Variants in ADAMTS3 observed in about 807,000 individuals in gnomAD.
ADAMTS3 encodes ADAM metallopeptidase with thrombospondin type 1 motif 3, also known as A disintegrin and metalloproteinase with thrombospondin motifs 3.
ADAMTS3 carries 73 observed loss-of-function variants against 129.0 expected under a neutral mutation model. That is an observed-to-expected ratio of 0.57 (90% CI 0.47 to 0.69). ADAMTS3 has a LOEUF of 0.69. Among genes scored for constraint, ADAMTS3 ranks in the 30% least tolerant of loss-of-function variants. ADAMTS3 has a pLI of 0.00. For synonymous variants in ADAMTS3, 477 were observed against 510.8 expected (o/e 0.93, Z 0.89); for missense variants, 1,457 against 1,514.5 (o/e 0.96, Z 0.63).
intron 21 of ADAMTS3, among the ~76,000 whole-genome samples, chr4:72,284,026 G>A (rs1381766133): frequency 2.0e-5 from 3 of 151,930 alleles, no homozygotes; most frequent in South Asian, 2.1e-4. Context: ...TTTATTTAAC[G>A]TTGTGGTTAA....
Position 72,339,528 on chromosome 4 carries a change from T to C in ADAMTS3, c.827A>G (p.His276Arg), listed in dbSNP as rs761236253. 18 of 1,613,822 alleles carry C rather than the reference T, an allele frequency of 1.1e-5. No homozygotes were observed. The South Asian group carries it at 2.0e-4, about 18-fold the overall frequency. ...TAGGGTCAGGAGGTAGTTTTGGACG[T>C]GCTCTTTGCCATGGAAACGGACCAC... ...DSVVRFHGKEHVQNYLLTLMN... is the reference protein window; with the variant it reads ...DSVVRFHGKERVQNYLLTLMN... Residue 276 changes from histidine (H) to arginine (R), a missense_variant, in exon 5 of 22, where the codon CAC becomes CGC. By Grantham distance (29) the His-to-Arg change is conservative (BLOSUM62 0). Coordinates refer to ENST00000286657, the MANE Select transcript of ADAMTS3 (RefSeq NM_014243.3).
chr4:72,328,923 C>T (rs180939931), intron 5 of ADAMTS3, among the ~76,000 whole-genome samples: 119 of 152,234 alleles, frequency 7.8e-4, no homozygotes, highest in African/African-American at 2.8e-3. Flanking sequence ...CAAACTCATA[C>T]CTGCTTGTAT....
At chr4:72,416,172 A>AATATAAATATATATATATATATATGT (rs149079357) in intron 3 of ADAMTS3, among the ~76,000 whole-genome samples, 2 of 146,084 alleles carry the variant, frequency 1.4e-5, no homozygotes, top group Non-Finnish European at 3.0e-5. Flanking sequence ...AGCAAATATA[A>AATATAAATATATATATATATATATGT]ATATAAATAT....
At chr4:72,497,673 C>A (rs1424736083) in intron 3 of ADAMTS3, among the ~76,000 whole-genome samples, 1 of 150,940 alleles carries the variant, frequency 6.6e-6, no homozygotes. Flanking sequence ...AAACTAAAGC[C>A]CTAATATTTA....
intron 4 of ADAMTS3, among the ~76,000 whole-genome samples, chr4:72,381,308 T>G (rs949756367): frequency 1.2e-4 from 19 of 152,300 alleles, no homozygotes; most frequent in Admixed American, 4.6e-4. Flanking sequence ...TTCCCACTGG[T>G]CTCTGGTAGA....
intron 3 of ADAMTS3, among the ~76,000 whole-genome samples, chr4:72,498,187 T>C (rs1719917489): frequency 6.6e-6 from 1 of 152,068 alleles, no homozygotes; most frequent in Non-Finnish European, 1.5e-5. Flanking sequence ...GCAATATTTA[T>C]CATTTTGCTC....
intron 3 of ADAMTS3, among the ~76,000 whole-genome samples, chr4:72,456,991 G>A (rs1718640890): frequency 6.6e-6 from 1 of 151,648 alleles, no homozygotes; most frequent in African/African-American, 2.4e-5. Context: ...CATCATGGAA[G>A]GAAGTCACCC....
At chr4:72,517,719 TTCTC>T (rs1166562881) in intron 3 of ADAMTS3, among the ~76,000 whole-genome samples, 4 of 151,934 alleles carry the variant, frequency 2.6e-5, no homozygotes, top group Non-Finnish European at 5.9e-5. Flanking sequence ...TATTTGATTC[TTCTC>T]TCTTTTTTTC....
At chr4:72,346,933 T>A (rs1021496683) in intron 4 of ADAMTS3, among the ~76,000 whole-genome samples, 12 of 152,122 alleles carry the variant, frequency 7.9e-5, no homozygotes, top group African/African-American at 9.7e-5. Flanking sequence ...GCATATGCCA[T>A]TTCCTTGACT....
chr4:72,396,372 C>T (rs1721724624), intron 4 of ADAMTS3, among the ~76,000 whole-genome samples: 1 of 151,844 alleles, frequency 6.6e-6, no homozygotes, highest in Non-Finnish European at 1.5e-5. Context: ...CATGAAGTAA[C>T]ATAATAACAT....
intron 3 of ADAMTS3, among the ~76,000 whole-genome samples, chr4:72,507,906 C>A (rs62320594): frequency 0.015 from 2,351 of 152,260 alleles, 39 homozygotes; most frequent in Non-Finnish European, 0.023. Flanking sequence ...ATATTTAACG[C>A]CTTATTGCCT....
intron 3 of ADAMTS3, among the ~76,000 whole-genome samples, chr4:72,443,674 T>C (rs1280763938): frequency 6.8e-6 from 1 of 147,488 alleles, no homozygotes; most frequent in Admixed American, 6.8e-5. Flanking sequence ...AAATCTGAAA[T>C]CCCAAAAACG....
Position 72,495,490 on chromosome 4 carries a change from T to A in ADAMTS3, c.504+52988A>T, listed in dbSNP as rs1027074016. On this transcript the variant is annotated intron_variant, in intron 3 of 21. Coordinates refer to ENST00000286657, the MANE Select transcript of ADAMTS3 (RefSeq NM_014243.3). ...CTTACATTTTATATACTATTAGCTA[T>A]GTATCTGGAAGGAATGCAGGAGACA... Among the ~76,000 whole-genome samples the A allele has an allele frequency of 3.3e-5, 5 of 152,154 alleles. No homozygotes were observed. In the South Asian group the frequency reaches 6.2e-4, roughly 19 times the overall value.
chr4:72,414,060 T>C (rs1722245870), intron 4 of ADAMTS3, among the ~76,000 whole-genome samples: 1 of 151,816 alleles, frequency 6.6e-6, no homozygotes, highest in Non-Finnish European at 1.5e-5. Flanking sequence ...GTCATTTCCC[T>C]AAAAGAAAAC....
chr4:72,483,616 C>T (rs889335043), intron 3 of ADAMTS3, among the ~76,000 whole-genome samples: 31 of 152,180 alleles, frequency 2.0e-4, no homozygotes, highest in Non-Finnish European at 3.8e-4. Flanking sequence ...TTAACAGTGG[C>T]TCTCAGAGAG....
At chr4:72,550,024 A>G (rs539432184) in intron 2 of ADAMTS3, among the ~76,000 whole-genome samples, 1 of 5,810 alleles carries the variant, frequency 1.7e-4, no homozygotes, top group South Asian at 8.9e-3. Flanking sequence ...AAGAAGAAGA[A>G]GAAGAAGAAG....
At chr4:72,451,406 A>G (rs1219186663) in intron 3 of ADAMTS3, among the ~76,000 whole-genome samples, 2 of 151,858 alleles carry the variant, frequency 1.3e-5, no homozygotes, top group African/African-American at 4.8e-5. Flanking sequence ...AAATGGAAGC[A>G]AACCATGAGT....
intron 12 of ADAMTS3, 130 bp downstream of exon 12, chr4:72,313,547 T>C (rs1303005451): frequency 5.3e-6 from 5 of 940,994 alleles, no homozygotes; most frequent in African/African-American, 1.7e-5. Flanking sequence ...GACTGGTTTA[T>C]GAACTGTGAA....
At position 72,302,290 on chromosome 4, in the gene ADAMTS3, C is replaced by T. The variant is rs570832481; in HGVS notation, c.2424+1627G>A. On this transcript the variant is annotated intron_variant, in intron 17 of 21. Transcript: ENST00000286657. ...GAGTGAACATTATGAAAAATTCAGC[C>T]GAAAAATGGAAATAAAAAAAAAAAA... 1.8e-3 allele frequency among the ~76,000 whole-genome samples: 164 copies of T among 89,964 alleles called. 1 individual carries two copies. Among genetic ancestry groups the T allele is most frequent in the African/African-American group, 6.9e-3 (156 of 22,460 alleles). 59.0% of individuals were successfully genotyped at this position (89,964 alleles called of 152,430 possible). A position where few individuals can be genotyped will look rare whatever the true frequency, so the allele number is the denominator to read the frequency against.
Sources: allele counts gnomAD v4.1 joint callset (sites outside exome capture counted in the v4.1 genomes callset), GRCh38; gene constraint gnomAD v4.1.1; transcripts MANE v1.5; gene names NCBI Gene and HGNC (gene_info 2026-07-23, HGNC 2026-07-21).